The following ZSCAN1 variants were observed in gnomAD, a reference collection of about 807,000 sequenced individuals.
The protein encoded by ZSCAN1 is zinc finger and SCAN domain-containing protein 1.
In ZSCAN1, 23 loss-of-function variants were observed where a neutral mutation model predicts 23.8. The ratio of observed to expected loss-of-function variants is 0.97; its 90% CI spans 0.70 to 1.37. The LOEUF (loss-of-function observed/expected upper bound fraction) is 1.37. Among genes scored for constraint, ZSCAN1 ranks in the 40% most tolerant of loss-of-function variants. The probability of loss-of-function intolerance (pLI) is 0.00; values close to 1 mark genes in which losing one functional copy is unlikely to be tolerated. For missense variants in ZSCAN1, 575 were observed against 554.0 expected (o/e 1.04, Z -0.38); for synonymous variants, 236 against 232.3 (o/e 1.02, Z -0.15).
At chr19:58,056,328 G>C (rs4384691), downstream of ZSCAN1, among the ~76,000 whole-genome samples, 7 of 152,050 alleles carry the variant, frequency 4.6e-5, no homozygotes, top group African/African-American at 1.7e-4. Flanking sequence ...GTCTCCACCT[G>C]ACTCCACACT....
chr19:58,052,144 G>A (rs1233127205), intron 4 of ZSCAN1, among the ~76,000 whole-genome samples: 1 of 152,268 alleles, frequency 6.6e-6, no homozygotes, highest in Non-Finnish European at 1.5e-5. Context: ...TGTTGTCACT[G>A]TCCTGAAATG....
chr19:58,055,889 T>C (rs1056823240), downstream of ZSCAN1, among the ~76,000 whole-genome samples: 3 of 152,044 alleles, frequency 2.0e-5, no homozygotes, highest in Non-Finnish European at 4.4e-5. Context: ...CCAATTGAGT[T>C]TGTCCAAATA....
chr19:58,039,798 A>C (rs904532293), intron 3 of ZSCAN1, among the ~76,000 whole-genome samples: 9 of 150,478 alleles, frequency 6.0e-5, no homozygotes, highest in Non-Finnish European at 1.0e-4. Flanking sequence ...AAAAAGGAAC[A>C]ACCAGTGGAA....
chr19:58,052,661 G>A, intron 5 of ZSCAN1, 33 bp downstream of exon 5: 1 of 1,546,490 alleles, frequency 6.5e-7, no homozygotes, highest in Non-Finnish European at 8.7e-7. Context: ...TTAAGGGTTG[G>A]AAATGGAGTT....
At chr19:58,034,516 A>G (rs114067652) in intron 1 of ZSCAN1, among the ~76,000 whole-genome samples, 2,028 of 151,600 alleles carry the variant, frequency 0.013, 47 homozygotes, top group African/African-American at 0.046. Context: ...CCGCCCAAAC[A>G]CCGCTCGGCC....
intron 4 of ZSCAN1, among the ~76,000 whole-genome samples, chr19:58,048,316 TA>T: frequency 1.3e-5 from 2 of 152,366 alleles, no homozygotes; most frequent in East Asian, 3.9e-4. Flanking sequence ...CTGTGTTTCT[TA>T]ATTAGTATAC....
chr19:58,037,736 T>C lies in ZSCAN1; in HGVS notation c.-101T>C. The C allele has an allele frequency of 5.0e-6, 7 of 1,389,166 alleles. No homozygotes were observed. In the South Asian group the frequency reaches 1.1e-4, roughly 21 times the overall value. 86.1% of individuals were successfully genotyped at this position (1,389,166 alleles called of 1,614,324 possible). On this transcript the variant is annotated 5_prime_UTR_variant, in exon 3 of 6. Coordinates refer to ENST00000282326, the MANE Select transcript of ZSCAN1 (RefSeq NM_182572.4). ...CCTGCCCCTCTCTGCAGGCCCCTGA[T>C]TGCTGATTCTGTCCGCCTGCCACAC...
At chr19:58,042,342 C>T (rs1480368986) in intron 4 of ZSCAN1, among the ~76,000 whole-genome samples, 2 of 151,666 alleles carry the variant, frequency 1.3e-5, no homozygotes, top group African/African-American at 4.9e-5. Flanking sequence ...ACTGCAAGCT[C>T]TGCCTCCCGG....
At chr19:58,038,413 G>T (rs2073758061) in intron 3 of ZSCAN1, 1 of 667,684 alleles carries the variant, frequency 1.5e-6, no homozygotes, top group Non-Finnish European at 2.5e-6. Flanking sequence ...TTCTCACTCA[G>T]TCGGTGATTA....
intron 4 of ZSCAN1, among the ~76,000 whole-genome samples, chr19:58,043,758 TCCTA>T (rs1174486742): frequency 6.6e-6 from 1 of 152,152 alleles, no homozygotes; most frequent in Admixed American, 6.5e-5. Flanking sequence ...CATGCGATCT[TCCTA>T]CCTGAGTCTT....
chr19:58,047,121 A>G lies in ZSCAN1; in HGVS notation c.466-5369A>G, dbSNP rs555112710. The stretch of plus-strand genomic sequence containing the variant: ...GCCCAGGGAGGAGAATGAGGACCAC[A>G]TGGACTCTGCCCACACGGAGCTGGC... On this transcript the variant is annotated intron_variant, in intron 4 of 5. Coordinates refer to ENST00000282326, the MANE Select transcript of ZSCAN1 (RefSeq NM_182572.4). The surrounding 1 kb of genome is among the most constrained non-coding windows in gnomAD (Gnocchi z 4.9). Among the ~76,000 whole-genome samples the G allele has an allele frequency of 6.6e-6, 1 of 152,306 alleles. No individual in the cohort carries two copies. The highest frequency in any genetic ancestry group is 1.9e-4 in the East Asian group (1 of 5,176).
Position 58,053,459 on chromosome 19 carries a change from G to T in ZSCAN1, c.635G>T (p.Ser212Ile), listed in dbSNP as rs763586782. ...GSRARLPLKP[S>I]IWDEPEDLLA... ...CGGGCCCGCTTGCCTCTGAAGCCGA[G>T]TATCTGGGACGAGCCTGAGGACCTT... The change falls in exon 6 of 6, where the codon AGT (serine) becomes ATT (isoleucine). Residue 212 changes from serine (S) to isoleucine (I), a missense_variant. Ser to Ile is a moderately radical substitution (Grantham distance 142). Transcript: ENST00000282326. This position sits in a 1 kb window ranked among gnomAD's most constrained non-coding sequence, Gnocchi z 5.8. 2 of 1,612,224 alleles carry T rather than the reference G, an allele frequency of 1.2e-6. No individual in the cohort carries two copies. Among genetic ancestry groups the T allele is most frequent in the East Asian group, 2.2e-5 (1 of 44,816 alleles).
At chr19:58,044,065 C>A (rs1292505763) in intron 4 of ZSCAN1, among the ~76,000 whole-genome samples, 1 of 151,874 alleles carries the variant, frequency 6.6e-6, no homozygotes, top group Non-Finnish European at 1.5e-5. Context: ...GAGGTCAGGC[C>A]TTCGAGACCA....
rs369868974 is a variant in ZSCAN1, at chr19:58,054,074, C to T, written c.*23C>T. On this transcript the variant is annotated 3_prime_UTR_variant, in exon 6 of 6. Coordinates refer to ENST00000282326, the MANE Select transcript of ZSCAN1 (RefSeq NM_182572.4). This position sits in a 1 kb window ranked among gnomAD's most constrained non-coding sequence, Gnocchi z 4.2. ...TGAATGGCCAGCCTCGGGCCTCGGC[C>T]ACCCGGCCCTGAGTCCCTGGGGGGA... 6 of 1,470,758 alleles carry T rather than the reference C, an allele frequency of 4.1e-6. No homozygotes were observed. Among genetic ancestry groups the T allele is most frequent in the African/African-American group, 1.4e-5 (1 of 70,738 alleles). 91.1% of individuals were successfully genotyped at this position (1,470,758 alleles called of 1,614,324 possible). A position where few individuals can be genotyped will look rare whatever the true frequency, so the allele number is the denominator to read the frequency against.
At chr19:58,055,589 C>A (rs945703844), downstream of ZSCAN1, among the ~76,000 whole-genome samples, 2 of 152,210 alleles carry the variant, frequency 1.3e-5, no homozygotes, top group African/African-American at 4.8e-5. Context: ...CCGCAGTCAG[C>A]CCATTACTCT....
In ZSCAN1 at chr19:58,054,302, G is replaced by A; in HGVS notation, c.*251G>A. 1 of 429,472 alleles carries A rather than the reference G, an allele frequency of 2.3e-6. No individual in the cohort carries two copies. Among genetic ancestry groups the A allele is most frequent in the East Asian group, 3.4e-5 (1 of 29,480 alleles). 26.6% of individuals were successfully genotyped at this position (429,472 alleles called of 1,614,324 possible). On this transcript the variant is annotated 3_prime_UTR_variant, in exon 6 of 6. Transcript: ENST00000282326. The surrounding 1 kb of genome is among the most constrained non-coding windows in gnomAD (Gnocchi z 4.2). ...AGCCTGGTCAGTCCTGCGCACTATA[G>A]TTTTGCAAGTGGCTTGAAGAGGAGT...
Position 58,045,731 on chromosome 19 carries a change from T to A in ZSCAN1, c.465+5187T>A. 8.4e-7 allele frequency: 1 copy of A among 1,185,590 alleles called. No homozygotes were observed. The highest frequency in any genetic ancestry group is 1.3e-6 in the Non-Finnish European group (1 of 791,770). 73.4% of individuals were successfully genotyped at this position (1,185,590 alleles called of 1,614,324 possible). A position where few individuals can be genotyped will look rare whatever the true frequency, so the allele number is the denominator to read the frequency against. On this transcript the variant is annotated intron_variant, in intron 4 of 5. Transcript: ENST00000282326. The surrounding 1 kb of genome is among the most constrained non-coding windows in gnomAD (Gnocchi z 4.3). Reference sequence around the variant, plus strand: ...GCACGAGGCATGCGGGCCCTGGGCGTCAGGGAAAACCACCTGAGGGGCCAG... The same window carrying A: ...GCACGAGGCATGCGGGCCCTGGGCGACAGGGAAAACCACCTGAGGGGCCAG...
rs2073875242 is a variant in ZSCAN1, at chr19:58,053,859, G to A, written c.1035G>A (p.Glu345=). 6.2e-7 allele frequency: 1 copy of A among 1,613,890 alleles called. No homozygotes were observed. The highest frequency in any genetic ancestry group is 8.5e-7 in the Non-Finnish European group (1 of 1,179,828). Residue 345 remains glutamate, a synonymous_variant, in exon 6 of 6, where the codon GAG becomes GAA. Coordinates refer to ENST00000282326, the MANE Select transcript of ZSCAN1 (RefSeq NM_182572.4). The surrounding 1 kb of genome is among the most constrained non-coding windows in gnomAD (Gnocchi z 5.8). ...LTEHGKIHLL[E]PPRKKAPRSK... ...AGCATGGCAAGATCCACCTGCTGGAGCCACCGAGGAAGAAAGCCCCCCGGA... is the reference window on the plus strand; with the variant it reads ...AGCATGGCAAGATCCACCTGCTGGAACCACCGAGGAAGAAAGCCCCCCGGA...
chr19:58,046,486 C>G, intron 4 of ZSCAN1: 1 of 866,958 alleles, frequency 1.2e-6, no homozygotes, highest in Non-Finnish European at 2.0e-6. Context: ...CAAGGGCGTG[C>G]CCATGGGGGA....
Sources: allele counts gnomAD v4.1 joint callset (sites outside exome capture counted in the v4.1 genomes callset), GRCh38; gene constraint gnomAD v4.1.1; non-coding constraint Gnocchi (gnomAD v3.1); transcripts MANE v1.5; gene names NCBI Gene and HGNC (gene_info 2026-07-23, HGNC 2026-07-21).